Variants in SH3KBP1 observed in about 807,000 individuals in gnomAD.
The protein encoded by SH3KBP1 is SH3 domain-containing kinase-binding protein 1.
In SH3KBP1, 8 loss-of-function variants were observed where a neutral mutation model predicts 50.1. The observed-to-expected ratio is 0.16, with a 90% confidence interval of 0.09 to 0.29. SH3KBP1 has a LOEUF of 0.29. Ranked by LOEUF, SH3KBP1 falls within the 10% of genes least tolerant of loss-of-function variation. The probability of loss-of-function intolerance (pLI) is 1.00; values close to 1 mark genes in which losing one functional copy is unlikely to be tolerated. For missense variants in SH3KBP1, 377 were observed against 535.2 expected, an observed-to-expected ratio of 0.70 and a Z score of 2.92; for synonymous variants, 227 against 218.6, an observed-to-expected ratio of 1.04 and a Z score of -0.34.
chrX:19,653,866 G>A (rs1416593783), intron 6 of SH3KBP1, among the ~76,000 whole-genome samples: 1 of 106,713 alleles, frequency 9.4e-6, no homozygotes, highest in East Asian at 3.0e-4. Flanking sequence ...GAAACTCCAG[G>A]GTTTACTTCT....
At chrX:19,727,955 CAG>C (rs1195433873) in intron 3 of SH3KBP1, among the ~76,000 whole-genome samples, 1 of 112,089 alleles carries the variant, frequency 8.9e-6, no homozygotes, top group African/African-American at 3.2e-5. Flanking sequence ...AGCCTGGAAA[CAG>C]AGCGAGACAC....
At chrX:19,838,886 C>CAAAAAAAAAA (rs1187740894) in intron 1 of SH3KBP1, among the ~76,000 whole-genome samples, 1 of 30,059 alleles carries the variant, frequency 3.3e-5, no homozygotes, top group Non-Finnish European at 7.2e-5. Flanking sequence ...AACTTTGTCT[C>CAAAAAAAAAA]AAAAAAAAAA....
At chrX:19,874,671 G>A (rs1388020841) in intron 1 of SH3KBP1, among the ~76,000 whole-genome samples, 2 of 103,680 alleles carry the variant, frequency 1.9e-5, no homozygotes, top group African/African-American at 7.1e-5. Context: ...ACACAGAGGG[G>A]CTGAGAGGAA....
intron 2 of SH3KBP1, among the ~76,000 whole-genome samples, chrX:19,831,485 A>G (rs751892587): frequency 9.3e-6 from 1 of 107,094 alleles, no homozygotes; most frequent in South Asian, 4.2e-4. Context: ...ACAGAAAGGC[A>G]TGTGGGTATA....
chrX:19,698,939 A>G (rs1027561883), intron 4 of SH3KBP1, among the ~76,000 whole-genome samples: 3 of 111,825 alleles, frequency 2.7e-5, no homozygotes, highest in South Asian at 3.7e-4. Context: ...ATTGGGAAAA[A>G]TCCTCCATGG....
chrX:19,762,503 G>C (rs1286798527), intron 2 of SH3KBP1, among the ~76,000 whole-genome samples: 1 of 110,275 alleles, frequency 9.1e-6, no homozygotes, highest in African/African-American at 3.3e-5. Flanking sequence ...AGGAACATAA[G>C]ATAGCAAGGA....
chrX:19,671,022 C>T (rs1403871296), intron 6 of SH3KBP1: 57 of 1,048,089 alleles, frequency 5.4e-5, no homozygotes, highest in Non-Finnish European at 6.9e-5. Flanking sequence ...GAACAAAGCT[C>T]GCATTTGTTT....
Position 19,534,858 on chromosome X carries a change from G to A in SH3KBP1, c.*1559C>T. Reference sequence around the variant, plus strand: ...GAAGGCAGGGGGAGGAAGGGAGGAAGAGAAAGGAAGAGACATTTATTTGTA... The same window carrying A: ...GAAGGCAGGGGGAGGAAGGGAGGAAAAGAAAGGAAGAGACATTTATTTGTA... On this transcript the variant is annotated 3_prime_UTR_variant, in exon 18 of 18. Transcript: ENST00000397821. 3.4e-6 allele frequency: 1 copy of A among 297,348 alleles called. No homozygotes were observed. Among genetic ancestry groups the A allele is most frequent in the African/African-American group, 2.7e-5 (1 of 36,943 alleles). 24.5% of individuals were successfully genotyped at this position (297,348 alleles called of 1,213,427 possible). A position where few individuals can be genotyped will look rare whatever the true frequency, so the allele number is the denominator to read the frequency against.
chrX:19,834,369 G>A (rs899455607), intron 2 of SH3KBP1, among the ~76,000 whole-genome samples: 8 of 111,940 alleles, frequency 7.1e-5, no homozygotes, highest in African/African-American at 2.6e-4. Flanking sequence ...CTGGTAACAC[G>A]GAGACTACAG....
chrX:19,715,218 G>A (rs2063879308), intron 3 of SH3KBP1, among the ~76,000 whole-genome samples: 1 of 104,941 alleles, frequency 9.5e-6, no homozygotes, highest in East Asian at 3.0e-4. Flanking sequence ...AGTCTGCAGT[G>A]AGCTGTGATC....
intron 1 of SH3KBP1, among the ~76,000 whole-genome samples, chrX:19,875,033 G>A (rs1053478004): frequency 1.2e-4 from 13 of 110,845 alleles, no homozygotes; most frequent in Admixed American, 9.5e-4. Context: ...CCCCCTGCCC[G>A]CTTTCTGGAG....
chrX:19,572,249 G>A (rs56329903), intron 12 of SH3KBP1, among the ~76,000 whole-genome samples: 1 of 99,546 alleles, frequency 1.0e-5, no homozygotes, highest in African/African-American at 4.1e-5. Context: ...ATGTTATATA[G>A]AGTACATATA....
chrX:19,648,146 G>C, intron 6 of SH3KBP1: 1 of 362,384 alleles, frequency 2.8e-6, no homozygotes. Context: ...AAATGACTCA[G>C]TTCAGAGAGG....
chrX:19,806,677 A>T (rs933045051), intron 2 of SH3KBP1, among the ~76,000 whole-genome samples: 1 of 111,785 alleles, frequency 8.9e-6, no homozygotes, highest in Non-Finnish European at 1.9e-5. Flanking sequence ...CTGTGTAGTA[A>T]GACACAGCAG....
intron 6 of SH3KBP1, among the ~76,000 whole-genome samples, chrX:19,664,083 C>A (rs1373610590): frequency 9.0e-6 from 1 of 111,216 alleles, no homozygotes; most frequent in African/African-American, 3.3e-5. Flanking sequence ...CAAAGCAAGA[C>A]CCTCTCTCAA....
intron 13 of SH3KBP1, among the ~76,000 whole-genome samples, chrX:19,557,594 T>C (rs761697545): frequency 9.8e-5 from 11 of 111,994 alleles, no homozygotes; most frequent in Non-Finnish European, 1.5e-4. Context: ...AGTGCATAGA[T>C]TATGGGTAAG....
intron 2 of SH3KBP1, among the ~76,000 whole-genome samples, chrX:19,764,960 A>C (rs762581286): frequency 1.0e-5 from 1 of 95,699 alleles, no homozygotes; most frequent in African/African-American, 4.0e-5. Flanking sequence ...AGGCTGTGCC[A>C]CCATGCCCAG....
At chrX:19,678,815 C>T (rs903072453) in intron 6 of SH3KBP1, among the ~76,000 whole-genome samples, 2 of 111,138 alleles carry the variant, frequency 1.8e-5, no homozygotes, top group African/African-American at 6.6e-5. Flanking sequence ...GGAATACTTT[C>T]GCTAAACCAC....
rs1006348158 is a variant in SH3KBP1 at position 19,741,315 on chromosome X, A to C, written c.286+5003T>G. Among the ~76,000 whole-genome samples, 11 of 112,022 alleles carry C rather than the reference A, an allele frequency of 9.8e-5. No individual in the cohort carries two copies. In the South Asian group the frequency reaches 1.1e-3, roughly 11 times the overall value. On this transcript the variant is annotated intron_variant, in intron 3 of 17. Coordinates refer to ENST00000397821, the MANE Select transcript of SH3KBP1 (RefSeq NM_031892.3). ...TCTCACCTCGTAGCATCAGAGCTAGACCTGTTACAAATAACATCTTTTAAA... is the reference window on the plus strand; with the variant it reads ...TCTCACCTCGTAGCATCAGAGCTAGCCCTGTTACAAATAACATCTTTTAAA...
Sources: allele counts gnomAD v4.1 joint callset (sites outside exome capture counted in the v4.1 genomes callset), GRCh38; gene constraint gnomAD v4.1.1; transcripts MANE v1.5; gene names NCBI Gene and HGNC (gene_info 2026-07-23, HGNC 2026-07-21).